The following NKAIN3 variants were observed in gnomAD, a reference collection of about 807,000 sequenced individuals.
The protein encoded by NKAIN3 is sodium/potassium-transporting ATPase subunit beta-1-interacting protein 3.
A neutral mutation model predicts 30.2 loss-of-function variants in NKAIN3; 25 were observed. The observed-to-expected ratio is 0.83, with a 90% confidence interval of 0.60 to 1.16. The LOEUF is 1.16. Ranked by LOEUF, NKAIN3 falls within the 50% of genes most tolerant of loss-of-function variation. The pLI is 0.00. For missense variants in NKAIN3, 225 were observed against 254.1 expected, an observed-to-expected ratio of 0.89 and a Z score of 0.78; for synonymous variants, 91 against 89.6, an observed-to-expected ratio of 1.02 and a Z score of -0.09.
chr8:62,431,763 G>A (rs16928908), intron 1 of NKAIN3, among the ~76,000 whole-genome samples: 1,589 of 150,570 alleles, frequency 0.011, 27 homozygotes, highest in African/African-American at 0.036. Flanking sequence ...GCTAAGTCTT[G>A]TTACCAGTCG....
chr8:62,802,553 C>G (rs1254598092), intron 4 of NKAIN3, among the ~76,000 whole-genome samples: 1 of 152,080 alleles, frequency 6.6e-6, no homozygotes, highest in Non-Finnish European at 1.5e-5. Context: ...ACTTTACAGA[C>G]AAGCAAATGT....
intron 5 of NKAIN3, among the ~76,000 whole-genome samples, chr8:62,998,849 CAACT>C (rs538999063): frequency 3.2e-4 from 48 of 152,236 alleles, no homozygotes; most frequent in African/African-American, 1.1e-3. Flanking sequence ...CTTGATAAAC[CAACT>C]AAGACTAAAA....
At chr8:62,907,358 T>C (rs1405822837) in intron 4 of NKAIN3, among the ~76,000 whole-genome samples, 1 of 152,218 alleles carries the variant, frequency 6.6e-6, no homozygotes. Context: ...AGCATTAAAG[T>C]TCAGAAAATG....
At chr8:62,571,876 C>G (rs1008457975) in intron 1 of NKAIN3, among the ~76,000 whole-genome samples, 2 of 152,084 alleles carry the variant, frequency 1.3e-5, no homozygotes, top group African/African-American at 4.8e-5. Context: ...GCATAGGAAC[C>G]CTGGGCCGGC....
At chr8:62,727,644 G>A (rs1264556683) in intron 3 of NKAIN3, among the ~76,000 whole-genome samples, 2 of 152,118 alleles carry the variant, frequency 1.3e-5, no homozygotes, top group Non-Finnish European at 2.9e-5. Flanking sequence ...AACAAAATGT[G>A]TATAAGATCT....
intron 6 of NKAIN3, among the ~76,000 whole-genome samples, chr8:62,959,431 A>AGGGTGTGTGTGT (rs1472658849): frequency 4.0e-5 from 3 of 74,766 alleles, no homozygotes; most frequent in African/African-American, 2.1e-4. Flanking sequence ...AGGACAAATC[A>AGGGTGTGTGTGT]GGGTGTGTGT....
At chr8:62,335,463 A>AGAAAGAAG (rs1283033209) in intron 1 of NKAIN3, among the ~76,000 whole-genome samples, 2 of 151,390 alleles carry the variant, frequency 1.3e-5, no homozygotes, top group African/African-American at 4.8e-5. Context: ...AAAGAAAGAA[A>AGAAAGAAG]GAAAAGAAAA....
At chr8:62,707,210 AAAT>A (rs1289525107) in intron 3 of NKAIN3, among the ~76,000 whole-genome samples, 1 of 152,050 alleles carries the variant, frequency 6.6e-6, no homozygotes, top group Non-Finnish European at 1.5e-5. Flanking sequence ...TATCTTTTTC[AAAT>A]AATGACTTGT....
rs187319492 is a variant in NKAIN3 at position 62,791,760 on chromosome 8, C to T, written c.471+44631C>T. 2.8e-4 allele frequency among the ~76,000 whole-genome samples: 42 copies of T among 152,200 alleles called. No homozygotes were observed. The East Asian group carries it at 7.7e-3, about 28-fold the overall frequency. On this transcript the variant is annotated intron_variant, in intron 4 of 6. Coordinates refer to ENST00000623646, the MANE Select transcript of NKAIN3 (RefSeq NM_001304533.3). The stretch of plus-strand genomic sequence containing the variant: ...GATTGAAAACTTCCCTGTGAAAAAA[C>T]TATTATCCATCTTCATAACAGTTTC...
chr8:62,817,900 T>G (rs1351350), intron 4 of NKAIN3, among the ~76,000 whole-genome samples: 4,203 of 152,264 alleles, frequency 0.028, 207 homozygotes, highest in African/African-American at 0.096. Flanking sequence ...TTCTTTCCTG[T>G]TTTTGATTGC....
intron 1 of NKAIN3, among the ~76,000 whole-genome samples, chr8:62,400,294 C>G (rs1403442239): frequency 6.6e-6 from 1 of 151,502 alleles, no homozygotes; most frequent in Non-Finnish European, 1.5e-5. Flanking sequence ...GCCACCCGCC[C>G]CCCAGTAGCT....
chr8:62,442,700 T>C (rs1484131238), intron 1 of NKAIN3, among the ~76,000 whole-genome samples: 1 of 151,906 alleles, frequency 6.6e-6, no homozygotes, highest in Non-Finnish European at 1.5e-5. Flanking sequence ...TGTGGTCTGA[T>C]AGATCCATTG....
intron 1 of NKAIN3, among the ~76,000 whole-genome samples, chr8:62,270,069 A>G (rs1409378734): frequency 6.6e-6 from 1 of 151,590 alleles, no homozygotes; most frequent in Non-Finnish European, 1.5e-5. Flanking sequence ...TTGTTTTGTA[A>G]CTCAGATCAC....
At chr8:62,840,778 G>A (rs1181548626) in intron 4 of NKAIN3, among the ~76,000 whole-genome samples, 1 of 152,098 alleles carries the variant, frequency 6.6e-6, no homozygotes, top group Non-Finnish European at 1.5e-5. Flanking sequence ...CTATGGCAAA[G>A]GAAGGGGAAA....
chr8:62,328,199 C>G (rs1815208465), intron 1 of NKAIN3, among the ~76,000 whole-genome samples: 1 of 152,182 alleles, frequency 6.6e-6, no homozygotes, highest in East Asian at 1.9e-4. Context: ...AATGCCAGTG[C>G]ACAAATCTAT....
intron 1 of NKAIN3, among the ~76,000 whole-genome samples, chr8:62,426,886 A>G (rs1029717195): frequency 6.6e-6 from 1 of 152,008 alleles, no homozygotes; most frequent in Non-Finnish European, 1.5e-5. Context: ...TGTGCTACCC[A>G]CATCAGCTAG....
At position 62,974,860 on chromosome 8, in the gene NKAIN3, T is replaced by A. The variant is rs895686260; in HGVS notation, c.*9453T>A. Among the ~76,000 whole-genome samples, 1 of 152,238 alleles carries A rather than the reference T, an allele frequency of 6.6e-6. No homozygotes were observed. Among genetic ancestry groups the A allele is most frequent in the Non-Finnish European group, 1.5e-5 (1 of 68,038 alleles). Reference sequence around the variant, plus strand: ...ATCAATACCTAGTTTATTGAGTGTTTTTAGCATGAAGGAGGGTTGAATTTT... The same window carrying A: ...ATCAATACCTAGTTTATTGAGTGTTATTAGCATGAAGGAGGGTTGAATTTT... On this transcript the variant is annotated 3_prime_UTR_variant, in exon 7 of 7. Transcript: ENST00000623646.
intron 4 of NKAIN3, among the ~76,000 whole-genome samples, chr8:62,871,254 T>A (rs1563604817): frequency 6.6e-6 from 1 of 151,682 alleles, no homozygotes; most frequent in Non-Finnish European, 1.5e-5. Context: ...TATAAAAAAA[T>A]TAGCCAGACC....
At chr8:62,992,021 CTTT>C (rs11357507) in intron 5 of NKAIN3, among the ~76,000 whole-genome samples, 1 of 147,068 alleles carries the variant, frequency 6.8e-6, no homozygotes, top group African/African-American at 2.5e-5. Context: ...CCTTCTTCTT[CTTT>C]TTTTTTTTCT....
Sources: gnomAD v4.1 joint callset for allele counts (sites outside exome capture counted in the v4.1 genomes callset) on GRCh38, gnomAD v4.1.1 for gene constraint, MANE v1.5 for transcripts, NCBI Gene and HGNC (gene_info 2026-07-23, HGNC 2026-07-21) for gene names.